SYMPK: variants seen among roughly 807,000 people sequenced by gnomAD.
SYMPK encodes the protein symplekin scaffold protein.
SYMPK carries 49 observed loss-of-function variants against 136.4 expected under a neutral mutation model. The ratio of observed to expected loss-of-function variants is 0.36; its 90% CI spans 0.29 to 0.46. The LOEUF (loss-of-function observed/expected upper bound fraction) is 0.46, where lower values mean the gene tolerates loss of function less well. Ranked by LOEUF, SYMPK falls within the 20% of genes least tolerant of loss-of-function variation. The pLI, the probability that SYMPK is intolerant of heterozygous loss-of-function variation, is 1.00. For synonymous variants in SYMPK, 766 were observed against 713.0 expected (o/e 1.07, Z -1.19); for missense variants, 1,365 against 1,690.0 (o/e 0.81, Z 3.37).
intron 24 of SYMPK, 108 bp downstream of exon 24, chr19:45,816,690 T>C: frequency 6.6e-7 from 1 of 1,516,170 alleles, no homozygotes; most frequent in Non-Finnish European, 8.8e-7. Flanking sequence ...GTGCAGGGCC[T>C]TCTTGTGTCC....
intron 7 of SYMPK, among the ~76,000 whole-genome samples, chr19:45,846,061 C>G (rs569542274): frequency 2.0e-5 from 3 of 152,172 alleles, no homozygotes; most frequent in South Asian, 4.2e-4. Context: ...ACAGTGAAAC[C>G]CTGTCTCTAC....
At chr19:45,862,653 T>C in intron 1 of SYMPK, 1 of 165,964 alleles carries the variant, frequency 6.0e-6, no homozygotes, top group Non-Finnish European at 1.3e-5. Context: ...GGAAGTGACG[T>C]TGGTGCCGAG....
intron 10 of SYMPK, among the ~76,000 whole-genome samples, chr19:45,835,730 G>T (rs1457388006): frequency 6.6e-6 from 1 of 152,070 alleles, no homozygotes; most frequent in Non-Finnish European, 1.5e-5. Flanking sequence ...TGGCCAACAT[G>T]GTGAAACCCT....
intron 1 of SYMPK, among the ~76,000 whole-genome samples, chr19:45,860,765 T>C (rs897424980): frequency 6.6e-6 from 1 of 152,216 alleles, no homozygotes; most frequent in Non-Finnish European, 1.5e-5. Flanking sequence ...TACCTCATTT[T>C]CCCAAGTAGC....
chr19:45,826,977 C>T (rs1971055694), intron 16 of SYMPK, among the ~76,000 whole-genome samples: 1 of 152,216 alleles, frequency 6.6e-6, no homozygotes, highest in Non-Finnish European at 1.5e-5. Context: ...TTTTCCAGGT[C>T]TCAGCGTACA....
chr19:45,852,467 C>A lies in SYMPK; in HGVS notation c.225+15G>T. 1.2e-6 allele frequency: 2 copies of A among 1,614,222 alleles called. No homozygotes were observed. The highest frequency in any genetic ancestry group is 1.7e-6 in the Non-Finnish European group (2 of 1,180,036). On this transcript the variant is annotated intron_variant, in intron 4 of 26. Transcript: ENST00000245934. The stretch of plus-strand genomic sequence containing the variant: ...CCCCTACACCACACCCCTTTCTCTT[C>A]TGTCAGTCACTCACATCCAGGAAGT...
intron 22 of SYMPK, 141 bp from the exon 23 acceptor site, chr19:45,818,287 A>C: frequency 3.8e-6 from 3 of 796,924 alleles, no homozygotes; most frequent in Non-Finnish European, 5.6e-6. Context: ...GAGAGAGGAG[A>C]CTCCCCCGAC....
chr19:45,843,964 AAAAAAAG>A, intron 8 of SYMPK, 59 bp downstream of exon 8: 9 of 1,068,892 alleles, frequency 8.4e-6, no homozygotes, highest in African/African-American at 5.0e-5. Flanking sequence ...AAAAAAAAAA[AAAAAAAG>A]AAAGAGCAGA....
In SYMPK at chr19:45,851,402, C is replaced by T. The variant is rs1971693731; in HGVS notation, c.299+910G>A. ...ACTGGCCTGGCCAACATGGCAGAAA[C>T]CCCATCTCTACTAAAAATACAAAAA... On this transcript the variant is annotated intron_variant, in intron 5 of 26. Transcript: ENST00000245934. Among the ~76,000 whole-genome samples the T allele has an allele frequency of 2.0e-5, 3 of 151,742 alleles. No homozygotes were observed. The South Asian group carries it at 6.2e-4, about 32-fold the overall frequency.
intron 13 of SYMPK, among the ~76,000 whole-genome samples, chr19:45,829,775 C>A (rs946189212): frequency 2.0e-5 from 3 of 152,228 alleles, no homozygotes; most frequent in Non-Finnish European, 2.9e-5. Context: ...ACCAAGACCA[C>A]AAGAGCAGCC....
At chr19:45,833,961 C>A (rs1971243512) in intron 11 of SYMPK, among the ~76,000 whole-genome samples, 1 of 152,068 alleles carries the variant, frequency 6.6e-6, no homozygotes, top group African/African-American at 2.4e-5. Context: ...ACCATCCTTG[C>A]TAACACGGTG....
At chr19:45,840,990 C>T (rs1048753912) in intron 9 of SYMPK, among the ~76,000 whole-genome samples, 2 of 151,852 alleles carry the variant, frequency 1.3e-5, no homozygotes, top group African/African-American at 4.8e-5. Flanking sequence ...TAGATAAATT[C>T]CTTTTTTTTT....
intron 12 of SYMPK, 114 bp downstream of exon 12, chr19:45,831,270 C>T: frequency 1.3e-6 from 1 of 777,416 alleles, no homozygotes; most frequent in East Asian, 3.1e-5. Context: ...TTCCTTCTGT[C>T]TGCATCTCAG....
At chr19:45,855,372 T>C (rs1447215861) in intron 1 of SYMPK, 2 of 152,180 alleles carry the variant, frequency 1.3e-5, no homozygotes, top group Non-Finnish European at 2.9e-5. Context: ...GGCAAAATTA[T>C]GGAATGATTA....
At chr19:45,846,597 T>G (rs989207500) in intron 7 of SYMPK, among the ~76,000 whole-genome samples, 5 of 152,116 alleles carry the variant, frequency 3.3e-5, no homozygotes, top group Admixed American at 3.3e-4. Context: ...ACACAAAGCA[T>G]GGCCTCATTT....
chr19:45,824,634 AGTG>A (rs1205939221), intron 18 of SYMPK, among the ~76,000 whole-genome samples: 1 of 152,198 alleles, frequency 6.6e-6, no homozygotes, highest in Non-Finnish European at 1.5e-5. Context: ...AAAGAAAAAA[AGTG>A]GTTTCAAATC....
intron 23 of SYMPK, 115 bp from the exon 24 acceptor site, chr19:45,817,089 C>G: frequency 1.8e-6 from 2 of 1,105,194 alleles, no homozygotes; most frequent in Non-Finnish European, 2.5e-6. Context: ...TCCAAGATTC[C>G]TCTGGATGGG....
At chr19:45,820,963 A>G (rs1970874877) in intron 22 of SYMPK, 1 of 581,588 alleles carries the variant, frequency 1.7e-6, no homozygotes, top group Non-Finnish European at 3.0e-6. Context: ...CCTGCAGGCA[A>G]GCTCTCCTGC....
chr19:45,833,810 G>A (rs1412771508), intron 11 of SYMPK, among the ~76,000 whole-genome samples: 1 of 152,172 alleles, frequency 6.6e-6, no homozygotes, highest in Non-Finnish European at 1.5e-5. Flanking sequence ...ACCTGACCTC[G>A]TGTGGATAGA....
Sources: allele counts gnomAD v4.1 joint callset (sites outside exome capture counted in the v4.1 genomes callset), GRCh38; gene constraint gnomAD v4.1.1; transcripts MANE v1.5; gene names NCBI Gene and HGNC (gene_info 2026-07-23, HGNC 2026-07-21).